ATP10B: variants seen among roughly 807,000 people sequenced by gnomAD.
ATP10B encodes phospholipid-transporting ATPase VB.
A neutral mutation model predicts 141.2 loss-of-function variants in ATP10B; 122 were observed. That is an observed-to-expected ratio of 0.86 (90% CI 0.75 to 1.00). The LOEUF is 1.00. Among genes scored for constraint, ATP10B ranks in the 50% least tolerant of loss-of-function variants. ATP10B has a pLI of 0.00. For synonymous variants in ATP10B, 685 were observed against 692.0 expected (o/e 0.99, Z 0.16); for missense variants, 1,876 against 1,825.3 (o/e 1.03, Z -0.51).
chr5:160,682,426 A>G (rs942337021), intron 6 of ATP10B, among the ~76,000 whole-genome samples: 22 of 152,018 alleles, frequency 1.4e-4, no homozygotes, highest in Non-Finnish European at 2.9e-4. Context: ...TTTTTTCTAG[A>G]TTGTTATCAT....
At chr5:160,884,725 AAAGTT>A in the ATP10B span, among the ~76,000 whole-genome samples, 1 of 152,188 alleles carries the variant, frequency 6.6e-6, no homozygotes, top group Non-Finnish European at 1.5e-5. Flanking sequence ...ATTTAAGTGA[AAAGTT>A]AATTTAAAGA....
chr5:160,696,567 A>G (rs574995623), intron 3 of ATP10B, among the ~76,000 whole-genome samples: 9 of 152,160 alleles, frequency 5.9e-5, no homozygotes, highest in African/African-American at 9.7e-5. Flanking sequence ...CTACACCTCT[A>G]TGTCTCTATT....
At chr5:160,702,214 C>T (rs1172938690) in intron 3 of ATP10B, among the ~76,000 whole-genome samples, 1 of 152,108 alleles carries the variant, frequency 6.6e-6, no homozygotes, top group Admixed American at 6.5e-5. Flanking sequence ...TTCAAAGAAA[C>T]TTATTTCTAT....
At chr5:160,885,918 G>A in the ATP10B span, among the ~76,000 whole-genome samples, 321 of 152,300 alleles carry the variant, frequency 2.1e-3, 2 homozygotes, top group African/African-American at 6.2e-3. Context: ...TCTTCCAGAA[G>A]TCAGGATCTG....
At chr5:160,647,467 T>C (rs1760375801) in intron 8 of ATP10B, among the ~76,000 whole-genome samples, 1 of 152,092 alleles carries the variant, frequency 6.6e-6, no homozygotes, top group African/African-American at 2.4e-5. Context: ...GAGCAGCAAC[T>C]AGGAAGAGGA....
At chr5:160,783,464 A>G in intron 2 of ATP10B, among the ~76,000 whole-genome samples, 1 of 138,210 alleles carries the variant, frequency 7.2e-6, no homozygotes, top group Non-Finnish European at 1.6e-5. Flanking sequence ...TATATATATC[A>G]TATATATATT....
intron 6 of ATP10B, among the ~76,000 whole-genome samples, chr5:160,678,013 C>T (rs886564692): frequency 2.6e-5 from 4 of 152,136 alleles, no homozygotes; most frequent in Non-Finnish European, 5.9e-5. Flanking sequence ...GATGAGGCCA[C>T]CTACATCCCT....
chr5:160,716,920 G>A lies in ATP10B; in HGVS notation c.-216C>T. 1 of 985,400 alleles carries A rather than the reference G, an allele frequency of 1.0e-6. No homozygotes were observed. Among genetic ancestry groups the A allele is most frequent in the Non-Finnish European group, 1.2e-6 (1 of 829,914 alleles). The allele number at this position is 985,400 out of a possible 1,614,324, so 61.0% of individuals were successfully genotyped here. The stretch of plus-strand genomic sequence containing the variant: ...CGCAAAAGATATACCTGTTAGCGGA[G>A]TCCCTTTAAGGAGGTTAGACCAGTG... On this transcript the variant is annotated 5_prime_UTR_variant, in exon 3 of 26. Coordinates refer to ENST00000327245, the MANE Select transcript of ATP10B (RefSeq NM_025153.3).
At chr5:160,826,462 C>G (rs778279997) in intron 1 of ATP10B, among the ~76,000 whole-genome samples, 1 of 152,180 alleles carries the variant, frequency 6.6e-6, no homozygotes, top group South Asian at 2.1e-4. Flanking sequence ...TCTTCGTAAG[C>G]TGAGGATGTA....
chr5:160,822,003 G>A (rs1282449655), intron 1 of ATP10B, among the ~76,000 whole-genome samples: 2 of 151,928 alleles, frequency 1.3e-5, no homozygotes, highest in Admixed American at 1.3e-4. Flanking sequence ...AAGCAAAAAT[G>A]GACAAATGGG....
intron 10 of ATP10B, among the ~76,000 whole-genome samples, chr5:160,638,246 C>A (rs1161180172): frequency 6.6e-6 from 1 of 152,072 alleles, no homozygotes; most frequent in Non-Finnish European, 1.5e-5. Flanking sequence ...TCCTCATGAA[C>A]TTTCTTCATT....
chr5:160,619,362 T>C (rs1471262970), intron 15 of ATP10B, among the ~76,000 whole-genome samples: 1 of 152,236 alleles, frequency 6.6e-6, no homozygotes, highest in African/African-American at 2.4e-5. Flanking sequence ...CTAATCCATT[T>C]TTCAATCAGG....
chr5:160,665,930 A>G (rs1349147710), intron 7 of ATP10B, among the ~76,000 whole-genome samples: 1 of 152,210 alleles, frequency 6.6e-6, no homozygotes, highest in Non-Finnish European at 1.5e-5. Context: ...AAGATATTAA[A>G]TTTCCAAACA....
intron 24 of ATP10B, among the ~76,000 whole-genome samples, chr5:160,577,723 T>C (rs1253230925): frequency 6.6e-6 from 1 of 152,194 alleles, no homozygotes; most frequent in East Asian, 1.9e-4. Context: ...ATTTCTAAGT[T>C]TGTTAGGTTT....
chr5:160,659,494 A>T (rs1204095680), intron 7 of ATP10B, among the ~76,000 whole-genome samples: 1 of 150,784 alleles, frequency 6.6e-6, no homozygotes, highest in Non-Finnish European at 1.5e-5. Context: ...AACAAAAACA[A>T]AAACAAACAA....
At chr5:160,819,773 G>A (rs1352579297) in intron 1 of ATP10B, among the ~76,000 whole-genome samples, 3 of 152,010 alleles carry the variant, frequency 2.0e-5, no homozygotes, top group African/African-American at 7.2e-5. Flanking sequence ...AAGATAATGG[G>A]TTATAAGACA....
chr5:160,927,821 C>T, the ATP10B span, among the ~76,000 whole-genome samples: 2 of 152,146 alleles, frequency 1.3e-5, no homozygotes, highest in Non-Finnish European at 2.9e-5. Flanking sequence ...TTGTGATAGG[C>T]ATTATGAAAA....
chr5:160,603,903 G>T, intron 20 of ATP10B, 62 bp downstream of exon 20: 1 of 1,455,664 alleles, frequency 6.9e-7, no homozygotes, highest in Non-Finnish European at 9.6e-7. Context: ...CCAACACTCT[G>T]GATATTTCCT....
At position 160,830,557 on chromosome 5, in the gene ATP10B, A is replaced by T. The variant is rs140370332; in HGVS notation, c.-576+21384T>A. 6.0e-3 allele frequency among the ~76,000 whole-genome samples: 915 copies of T among 152,150 alleles called. 13 individuals carry two copies. The highest frequency in any genetic ancestry group is 0.021 in the African/African-American group (871 of 41,554). Reference sequence around the variant, plus strand: ...CCAGCTGTAGATTGATTTGAGCCTTACTTTTTACTTGTATTTATAGGCTAT... The same window carrying T: ...CCAGCTGTAGATTGATTTGAGCCTTTCTTTTTACTTGTATTTATAGGCTAT... On this transcript the variant is annotated intron_variant, in intron 1 of 25. Transcript: ENST00000327245.
Sources: gnomAD v4.1 joint callset for allele counts (sites outside exome capture counted in the v4.1 genomes callset) on GRCh38, gnomAD v4.1.1 for gene constraint, MANE v1.5 for transcripts, NCBI Gene and HGNC (gene_info 2026-07-23, HGNC 2026-07-21) for gene names.